Variants in SPEG observed in about 807,000 individuals in gnomAD.
SPEG encodes striated muscle enriched protein kinase.
A neutral mutation model predicts 300.4 loss-of-function variants in SPEG; 114 were observed. That is an observed-to-expected ratio of 0.38 (90% CI 0.33 to 0.44). SPEG has a LOEUF of 0.44. Among genes scored for constraint, SPEG ranks in the 20% least tolerant of loss-of-function variants. SPEG has a pLI of 1.00. For synonymous variants in SPEG, 1,964 were observed against 2,018.9 expected, an observed-to-expected ratio of 0.97 and a Z score of 0.73; for missense variants, 4,201 against 4,586.2, an observed-to-expected ratio of 0.92 and a Z score of 2.43.
chr2:219,444,110 C>T lies in SPEG; in HGVS notation c.389-543C>T, dbSNP rs938641543. On this transcript the variant is annotated intron_variant, in intron 1 of 40. Coordinates refer to ENST00000312358, the MANE Select transcript of SPEG (RefSeq NM_005876.5). This position sits in a 1 kb window ranked among gnomAD's most constrained non-coding sequence, Gnocchi z 7.8. ...CCCCCGCATCCCCCCCTTTCCCACC[C>T]GGCCCCGGCCTCTCCTCACCCTGCC... is the stretch of plus-strand genomic sequence containing the variant. 26 of 1,281,734 alleles carry T rather than the reference C, an allele frequency of 2.0e-5. No individual in the cohort carries two copies. The highest frequency in any genetic ancestry group is 1.9e-4 in the Admixed American group (9 of 47,496). The allele number at this position is 1,281,734 out of a possible 1,614,324, so 79.4% of individuals were successfully genotyped here.
At chr2:219,442,771 T>G (rs781459704) in intron 1 of SPEG, among the ~76,000 whole-genome samples, 27 of 150,490 alleles carry the variant, frequency 1.8e-4, no homozygotes, top group Non-Finnish European at 3.5e-4. Flanking sequence ...TTCTATCCTC[T>G]TTCTCTCGGG....
rs771007694 is a variant in SPEG, at chr2:219,480,175, C to T, written c.5342+35C>T. 1.2e-5 allele frequency: 20 copies of T among 1,607,416 alleles called. No homozygotes were observed. In the South Asian group the frequency reaches 2.1e-4, roughly 17 times the overall value. ...GCATGCTGGGCTGGGCCGACCAGGGCAGCTGCCCTTGGGGCTGTGCTGGGG... is the reference window on the plus strand; with the variant it reads ...GCATGCTGGGCTGGGCCGACCAGGGTAGCTGCCCTTGGGGCTGTGCTGGGG... On this transcript the variant is annotated intron_variant, in intron 25 of 40. Transcript: ENST00000312358. This position sits in a 1 kb window ranked among gnomAD's most constrained non-coding sequence, Gnocchi z 5.3.
Position 219,448,021 on chromosome 2 carries a change from C to G in SPEG, c.863C>G (p.Pro288Arg). 1 of 1,612,494 alleles carries G rather than the reference C, an allele frequency of 6.2e-7. No homozygotes were observed. Among genetic ancestry groups the G allele is most frequent in the African/African-American group, 1.3e-5 (1 of 75,056 alleles). Residue 288 changes from proline to arginine, a missense_variant, in exon 4 of 41, where the codon CCT becomes CGT. Pro to Arg is a moderately radical substitution (Grantham distance 103). Coordinates refer to ENST00000312358, the MANE Select transcript of SPEG (RefSeq NM_005876.5). Reference sequence around the variant, plus strand: ...CGCAGGGAGGAGCCCGACCTTCAGCCTCAACTGGCCAGCGAAGCCCCACGC... The same window carrying G: ...CGCAGGGAGGAGCCCGACCTTCAGCGTCAACTGGCCAGCGAAGCCCCACGC... Reference protein sequence around the residue: ...GLRREEPDLQPQLASEAPRRP... With the variant: ...GLRREEPDLQRQLASEAPRRP...
Position 219,488,918 on chromosome 2 carries a change from G to A in SPEG, c.8149+18G>A. 1 of 1,585,078 alleles carries A rather than the reference G, an allele frequency of 6.3e-7. No homozygotes were observed. Among genetic ancestry groups the A allele is most frequent in the Non-Finnish European group, 8.6e-7 (1 of 1,165,790 alleles). Reference sequence around the variant, plus strand: ...AGTGGATGGTGAGGATGGGGCAGCTGGAGGGTTGGGGGAGCGGCAGGGGGA... The same window carrying A: ...AGTGGATGGTGAGGATGGGGCAGCTAGAGGGTTGGGGGAGCGGCAGGGGGA... On this transcript the variant is annotated intron_variant, in intron 34 of 40. Transcript: ENST00000312358.
Position 219,484,221 on chromosome 2 carries a change from A to T in SPEG, c.6758A>T (p.Gln2253Leu), listed in dbSNP as rs548004795. 6.2e-7 allele frequency: 1 copy of T among 1,611,778 alleles called. No homozygotes were observed. The highest frequency in any genetic ancestry group is 2.2e-5 in the East Asian group (1 of 44,826). Residue 2253 changes from glutamine (Q) to leucine (L), a missense_variant, in exon 30 of 41, where the codon CAG (glutamine) becomes CTG (leucine). By Grantham distance (113) the Gln-to-Leu change is moderately radical. Around this residue, in one of 4 missense-constraint regions of SPEG, gnomAD observed 1,578 missense variants for 1,506.0 expected, o/e 1.05. Coordinates refer to ENST00000312358, the MANE Select transcript of SPEG (RefSeq NM_005876.5). ...TPYAQIIQSL[Q>L]LSGHAQGPSQ... ...TATGCTCAGATCATTCAGTCCCTCC[A>T]GCTGTCAGGCCACGCCCAGGGCCCC...
In SPEG at chr2:219,491,834, G is replaced by A. The variant is rs765540632; in HGVS notation, c.9426G>A (p.Thr3142=). The stretch of plus-strand genomic sequence containing the variant: ...AGGGAGAACCCATCGGCTCTGCCAC[G>A]GACATCTGGGGAGCGGGTGTGCTCA... The part of the protein sequence containing the change: ...MVKGEPIGSA[T]DIWGAGVLTY... Residue 3142 remains threonine (T), a synonymous_variant, in exon 39 of 41, where the codon ACG becomes ACA. Coordinates refer to ENST00000312358, the MANE Select transcript of SPEG (RefSeq NM_005876.5). 17 of 1,612,438 alleles carry A rather than the reference G, an allele frequency of 1.1e-5. No individual in the cohort carries two copies. The highest frequency in any genetic ancestry group is 1.7e-5 in the Admixed American group (1 of 59,922).
Position 219,484,329 on chromosome 2 carries a change from C to T in SPEG, c.6866C>T (p.Ala2289Val). Residue 2289 changes from alanine to valine, a missense_variant, in exon 30 of 41, where the codon GCC becomes GTC. Around this residue, in one of 4 missense-constraint regions of SPEG, gnomAD observed 1,578 missense variants for 1,506.0 expected, o/e 1.05. Transcript: ENST00000312358. ...FARVASPPPGAPEKRVPSAGG... is the reference protein window; with the variant it reads ...FARVASPPPGVPEKRVPSAGG... ...AGGGTGGCCTCCCCACCTCCGGGAGCCCCCGAGAAGCGCGTGCCCTCAGCC... is the reference window on the plus strand; with the variant it reads ...AGGGTGGCCTCCCCACCTCCGGGAGTCCCCGAGAAGCGCGTGCCCTCAGCC... 1 of 1,603,948 alleles carries T rather than the reference C, an allele frequency of 6.2e-7. No individual in the cohort carries two copies. The highest frequency in any genetic ancestry group is 8.5e-7 in the Non-Finnish European group (1 of 1,178,512).
chr2:219,447,110 T>G (rs1479870882), intron 3 of SPEG, among the ~76,000 whole-genome samples: 1 of 151,006 alleles, frequency 6.6e-6, no homozygotes, highest in East Asian at 2.0e-4. Context: ...AAAGGGATAC[T>G]CTGGGGTGAC....
At chr2:219,474,183 G>C in intron 18 of SPEG, 1 of 304,762 alleles carries the variant, frequency 3.3e-6, no homozygotes, top group Non-Finnish European at 6.2e-6. Flanking sequence ...TTCGTGACCA[G>C]CCTCGCCAAC....
chr2:219,489,270 G>C (rs1161533413), intron 35 of SPEG, 49 bp downstream of exon 35: 1 of 1,613,056 alleles, frequency 6.2e-7, no homozygotes, highest in Non-Finnish European at 8.5e-7. Flanking sequence ...TCTGAGCCTA[G>C]GGTTCTTGTG....
In SPEG at chr2:219,493,227, C is replaced by A. The variant is rs574493004; in HGVS notation, c.*441C>A. On this transcript the variant is annotated 3_prime_UTR_variant, in exon 41 of 41. Transcript: ENST00000312358. ...TAGGCTGGGAGTCAGTGTGGCAAAG[C>A]GGGGGCAGGACACAGATACAGTGGC... 12 of 366,868 alleles carry A rather than the reference C, an allele frequency of 3.3e-5. No individual in the cohort carries two copies. Among genetic ancestry groups the A allele is most frequent in the Non-Finnish European group, 5.9e-5 (11 of 187,062 alleles). 22.7% of individuals were successfully genotyped at this position (366,868 alleles called of 1,614,324 possible).
intron 1 of SPEG, chr2:219,442,173 T>A: frequency 1.2e-6 from 1 of 853,078 alleles, no homozygotes; most frequent in Non-Finnish European, 1.5e-6. Context: ...CTGGGCCCGG[T>A]GGAGGGGGCG....
rs909980420 is a variant in SPEG at position 219,439,434 on chromosome 2, C to T, written c.388+4069C>T. ...TAAATTACACAGTATGTCAGAAATA[C>T]AGAGCAGGGTCGTAAATGAGAGAAG... On this transcript the variant is annotated intron_variant, in intron 1 of 40. Transcript: ENST00000312358. This position sits in a 1 kb window ranked among gnomAD's most constrained non-coding sequence, Gnocchi z 4.5. 1.3e-5 allele frequency among the ~76,000 whole-genome samples: 2 copies of T among 152,078 alleles called. No homozygotes were observed. The highest frequency in any genetic ancestry group is 4.8e-5 in the African/African-American group (2 of 41,388).
chr2:219,452,929 G>A (rs980662970), intron 6 of SPEG, among the ~76,000 whole-genome samples: 1 of 152,170 alleles, frequency 6.6e-6, no homozygotes, highest in East Asian at 1.9e-4. Context: ...TTGGTTGCAC[G>A]GTCTGGCTTG....
chr2:219,468,481 C>A (rs1691580221), intron 10 of SPEG, 97 bp from the exon 11 acceptor site: 1 of 1,401,302 alleles, frequency 7.1e-7, no homozygotes, highest in Non-Finnish European at 9.7e-7. Context: ...TCTGCCCAGG[C>A]TCCAGCTTCC....
intron 9 of SPEG, chr2:219,466,302 G>A: frequency 7.0e-7 from 1 of 1,419,676 alleles, no homozygotes; most frequent in South Asian, 1.5e-5. Flanking sequence ...GAGGCCCACA[G>A]ATGGACTGAG....
At position 219,481,650 on chromosome 2, in the gene SPEG, A is replaced by G; in HGVS notation, c.5535A>G (p.Ala1845=). The G allele has an allele frequency of 1.2e-6, 2 of 1,614,160 alleles. No homozygotes were observed. Among genetic ancestry groups the G allele is most frequent in the Non-Finnish European group, 1.7e-6 (2 of 1,180,008 alleles). Residue 1845 remains alanine (A), a synonymous_variant, in exon 28 of 41, where the codon GCA becomes GCG. Transcript: ENST00000312358. This position sits in a 1 kb window ranked among gnomAD's most constrained non-coding sequence, Gnocchi z 5.4. The part of the protein sequence containing the change: ...VLVQDRLRPT[A]EETLEHPWFK... ...CATTCATTCACAGGAGACCTACCGC[A>G]GAAGAGACCCTAGAACATCCTTGGT...
Position 219,448,656 on chromosome 2 carries a change from C to T in SPEG, c.1498C>T (p.Arg500Cys). 2 of 1,491,780 alleles carry T rather than the reference C, an allele frequency of 1.3e-6. No homozygotes were observed. The highest frequency in any genetic ancestry group is 1.8e-6 in the Non-Finnish European group (2 of 1,128,940). The allele number at this position is 1,491,780 out of a possible 1,614,324, so 92.4% of individuals were successfully genotyped here. The change falls in exon 4 of 41, where the codon CGC becomes TGC. Residue 500 changes from arginine to cysteine, a missense_variant. By Grantham distance (180) the Arg-to-Cys change is radical. This residue lies in a region of SPEG where 1,258 missense variants were observed against 1,293.9 expected (regional missense o/e 0.97). Coordinates refer to ENST00000312358, the MANE Select transcript of SPEG (RefSeq NM_005876.5). ...LELRFAQELGRIRRSTSREEL... is the reference protein window; with the variant it reads ...LELRFAQELGCIRRSTSREEL... ...GCTGCGCTTCGCCCAGGAGCTGGGC[C>T]GCATCCGCCGCTCCACGTCGCGGGA... is the stretch of plus-strand genomic sequence containing the variant.
chr2:219,482,271 C>T (rs982564958), intron 28 of SPEG: 1 of 171,200 alleles, frequency 5.8e-6, no homozygotes, highest in Admixed American at 5.5e-5. Flanking sequence ...TGAGGTCATT[C>T]GGGTATCAGG....
Sources: allele counts gnomAD v4.1 joint callset (sites outside exome capture counted in the v4.1 genomes callset), GRCh38; gene constraint gnomAD v4.1.1; regional missense constraint gnomAD v4.1.1; non-coding constraint Gnocchi (gnomAD v3.1); transcripts MANE v1.5; gene names NCBI Gene and HGNC (gene_info 2026-07-23, HGNC 2026-07-21).